Variants in PSIP1 observed in about 807,000 individuals in gnomAD.
The protein encoded by PSIP1 is PC4 and SFRS1-interacting protein.
PSIP1 carries 19 observed loss-of-function variants against 74.7 expected under a neutral mutation model. The observed-to-expected ratio is 0.25, with a 90% CI of 0.18 to 0.37. PSIP1 has a LOEUF of 0.37. Among genes scored for constraint, PSIP1 ranks in the 10% least tolerant of loss-of-function variants. The pLI is 1.00. For synonymous variants in PSIP1, 222 were observed against 195.3 expected (o/e 1.14, Z -1.14); for missense variants, 601 against 614.3 (o/e 0.98, Z 0.23).
At chr9:15,469,539 A>G (rs763606389) in intron 11 of PSIP1, among the ~76,000 whole-genome samples, 21 of 152,184 alleles carry the variant, frequency 1.4e-4, no homozygotes, top group Non-Finnish European at 5.9e-5. Context: ...AGCAACATGC[A>G]GTGTAAAAGC....
intron 6 of PSIP1, among the ~76,000 whole-genome samples, chr9:15,484,579 T>C (rs1053046692): frequency 6.6e-6 from 1 of 151,662 alleles, no homozygotes. Context: ...ACAAAAAAAT[T>C]AGGTGTGCAT....
intron 14 of PSIP1, among the ~76,000 whole-genome samples, chr9:15,467,755 T>C (rs2035694449): frequency 6.6e-6 from 1 of 152,222 alleles, no homozygotes; most frequent in South Asian, 2.1e-4. Flanking sequence ...ATTTAACTAC[T>C]GCTAAAGTTA....
chr9:15,465,704 A>T, intron 15 of PSIP1, 124 bp from the exon 16 acceptor site: 1 of 726,778 alleles, frequency 1.4e-6, no homozygotes, highest in Non-Finnish European at 2.2e-6. Flanking sequence ...AAACAAAAGA[A>T]AAACTTGACT....
At chr9:15,491,737 A>ATT (rs1161433985) in intron 3 of PSIP1, among the ~76,000 whole-genome samples, 1 of 152,232 alleles carries the variant, frequency 6.6e-6, no homozygotes, top group Non-Finnish European at 1.5e-5. Context: ...TGCTATGAAG[A>ATT]AATACCAGAG....
rs1031296467 is a variant in PSIP1, at chr9:15,464,407, C to A, written c.*1113G>T. 8.1e-5 allele frequency: 16 copies of A among 196,800 alleles called. No homozygotes were observed. The highest frequency in any genetic ancestry group is 3.7e-4 in the African/African-American group (16 of 43,290). 12.2% of individuals were successfully genotyped at this position (196,800 alleles called of 1,614,324 possible). A position where few individuals can be genotyped will look rare whatever the true frequency, so the allele number is the denominator to read the frequency against. On this transcript the variant is annotated 3_prime_UTR_variant, in exon 16 of 16. Coordinates refer to ENST00000380733, the MANE Select transcript of PSIP1 (RefSeq NM_033222.5). ...CAAATGACCCTAATATTCAAAATAT[C>A]TTAGAAATGCTATCCTTTAGTTAAC...
intron 11 of PSIP1, 40 bp downstream of exon 11, chr9:15,469,898 A>G (rs779886417): frequency 1.4e-5 from 21 of 1,518,424 alleles, no homozygotes; most frequent in East Asian, 1.4e-4. Context: ...CTTCTTTTCC[A>G]TGTATAATTT....
chr9:15,472,969 G>C (rs950774897), intron 9 of PSIP1, among the ~76,000 whole-genome samples: 1 of 152,114 alleles, frequency 6.6e-6, no homozygotes, highest in East Asian at 1.9e-4. Context: ...CCTGCTATAG[G>C]AGTGATGTCC....
chr9:15,465,559 C>A lies in PSIP1; in HGVS notation c.1554G>T (p.Glu518Asp). Residue 518 changes from glutamate (E) to aspartate (D), a missense_variant, in exon 16 of 16, where the codon GAG becomes GAT. This residue lies in a region of PSIP1 where 538 missense variants were observed against 507.6 expected (regional missense o/e 1.06). Transcript: ENST00000380733. ...TAGAATCCTTCAGAGATATTTCAGT[C>A]TCTCTCTCTTCACTGGATGGCCTGA... ...TKKKPSSEER[E>D]TEISLKDSTL... is the part of the protein sequence containing the mutation. The A allele has an allele frequency of 6.3e-7, 1 of 1,580,740 alleles. No homozygotes were observed. The highest frequency in any genetic ancestry group is 8.7e-7 in the Non-Finnish European group (1 of 1,154,032).
intron 6 of PSIP1, among the ~76,000 whole-genome samples, chr9:15,485,006 C>G (rs911110161): frequency 1.3e-5 from 2 of 151,948 alleles, no homozygotes; most frequent in Non-Finnish European, 2.9e-5. Context: ...ATCCCTTGAG[C>G]CCACAAGTTT....
At chr9:15,493,707 G>A (rs2036942938) in intron 3 of PSIP1, among the ~76,000 whole-genome samples, 1 of 152,224 alleles carries the variant, frequency 6.6e-6, no homozygotes, top group African/African-American at 2.4e-5. Context: ...ACCCAGGAGA[G>A]GGAATGAGCG....
rs757770242 is a variant in PSIP1, at chr9:15,510,199, C to A, written c.-11G>T. The A allele has an allele frequency of 3.1e-5, 50 of 1,600,908 alleles. No homozygotes were observed. Among genetic ancestry groups the A allele is most frequent in the Non-Finnish European group, 4.2e-5 (49 of 1,174,490 alleles). ...GAAATCGCGAGTCATGTTTCGGGGG[C>A]GAGACCGGGGGTCCGAAGCCCGGGA... On this transcript the variant is annotated 5_prime_UTR_variant, in exon 2 of 16. Transcript: ENST00000380733.
At chr9:15,473,921 AAAAAACAAAAAAAAAAC>A in intron 9 of PSIP1, 71 bp downstream of exon 9, 123 of 871,498 alleles carry the variant, frequency 1.4e-4, no homozygotes, top group South Asian at 4.7e-4. Context: ...AAAACAAAAA[AAAAAACAAAAAAAAAAC>A]AAAGAAAAAA....
intron 3 of PSIP1, among the ~76,000 whole-genome samples, chr9:15,499,604 T>A (rs555599247): frequency 6.6e-6 from 1 of 152,286 alleles, no homozygotes; most frequent in African/African-American, 2.4e-5. Context: ...CCAGGCACGG[T>A]GGCTCATGTC....
Position 15,490,076 on chromosome 9 carries a change from T to C in PSIP1, c.198A>G (p.Glu66=). The part of the protein sequence containing the change: ...KDIFPYSENK[E]KYGKPNKRKG... ...TTCTTTTATTTGGTTTGCCATACTT[T>C]TCCTTATTTTCTGAGTAAGGAAATA... Residue 66 remains glutamate, a synonymous_variant, in exon 4 of 16, where the codon GAA becomes GAG. Coordinates refer to ENST00000380733, the MANE Select transcript of PSIP1 (RefSeq NM_033222.5). 1.2e-6 allele frequency: 2 copies of C among 1,605,852 alleles called. No individual in the cohort carries two copies. The highest frequency in any genetic ancestry group is 1.7e-6 in the Non-Finnish European group (2 of 1,176,292).
intron 3 of PSIP1, among the ~76,000 whole-genome samples, chr9:15,498,405 G>A (rs1027581256): frequency 1.3e-5 from 2 of 152,036 alleles, no homozygotes; most frequent in Non-Finnish European, 2.9e-5. Context: ...GACAGAGTGA[G>A]GCTCCGTTTC....
intron 8 of PSIP1, among the ~76,000 whole-genome samples, chr9:15,477,292 G>A (rs2036131429): frequency 6.6e-6 from 1 of 152,108 alleles, no homozygotes. Flanking sequence ...CTGTGGAATG[G>A]CTAAATCAAG....
chr9:15,501,866 T>TATAAAA (rs1491160431), intron 3 of PSIP1, among the ~76,000 whole-genome samples: 39 of 135,678 alleles, frequency 2.9e-4, no homozygotes, highest in African/African-American at 1.0e-3. Context: ...TATATATATA[T>TATAAAA]AAAACGCACA....
At chr9:15,499,149 C>T (rs1213262583) in intron 3 of PSIP1, among the ~76,000 whole-genome samples, 1 of 152,170 alleles carries the variant, frequency 6.6e-6, no homozygotes, top group Admixed American at 6.5e-5. Context: ...ATTAAAACAG[C>T]AGAGTCTCAA....
At chr9:15,508,420 G>C (rs2037699526) in intron 2 of PSIP1, among the ~76,000 whole-genome samples, 1 of 152,178 alleles carries the variant, frequency 6.6e-6, no homozygotes, top group Non-Finnish European at 1.5e-5. Context: ...AAATGAACTT[G>C]TTAAATGTAG....
Sources: gnomAD v4.1 joint callset for allele counts (sites outside exome capture counted in the v4.1 genomes callset) on GRCh38, gnomAD v4.1.1 for gene constraint, gnomAD v4.1.1 regional missense constraint, MANE v1.5 for transcripts, NCBI Gene and HGNC (gene_info 2026-07-23, HGNC 2026-07-21) for gene names.